Variants in NRG3 observed in about 807,000 individuals in gnomAD.
NRG3 encodes the protein neuregulin 3, also known as pro-neuregulin-3, membrane-bound isoform.
Under a neutral mutation model 66.9 loss-of-function variants are expected in NRG3, and 31 were observed. The ratio of observed to expected loss-of-function variants is 0.46; its 90% CI spans 0.35 to 0.63. The LOEUF is 0.63. NRG3 is among the 20% of genes least tolerant of loss of function. The pLI, the probability that NRG3 is intolerant of heterozygous loss-of-function variation, is 0.00. For synonymous variants in NRG3, 393 were observed against 359.4 expected (o/e 1.09, Z -1.06); for missense variants, 910 against 878.9 (o/e 1.04, Z -0.45).
rs1437666528 is a variant in NRG3, at chr10:81,875,696, G to C, written c.356G>C (p.Ser119Thr). 6.2e-7 allele frequency: 1 copy of C among 1,613,592 alleles called. No individual in the cohort carries two copies. Among genetic ancestry groups the C allele is most frequent in the Non-Finnish European group, 8.5e-7 (1 of 1,179,954 alleles). ...GACCCCTTCTTCCTCTCCAAGCCCAGCTCTTTCCCCAAGGCCATGGAGACC... is the reference window on the plus strand; with the variant it reads ...GACCCCTTCTTCCTCTCCAAGCCCACCTCTTTCCCCAAGGCCATGGAGACC... ...GQDPFFLSKP[S>T]SFPKAMETTT... is the part of the protein sequence containing the mutation. The change falls in exon 1 of 9, where the codon AGC becomes ACC. Residue 119 changes from serine to threonine, a missense_variant. Transcript: ENST00000372141. The surrounding 1 kb of genome is among the most constrained non-coding windows in gnomAD (Gnocchi z 5.3).
At chr10:82,541,869 T>C (rs2043565237) in intron 2 of NRG3, among the ~76,000 whole-genome samples, 2 of 152,176 alleles carry the variant, frequency 1.3e-5, no homozygotes, top group African/African-American at 4.8e-5. Flanking sequence ...ACCTGGTTCT[T>C]GGTTGCTAAA....
intron 2 of NRG3, among the ~76,000 whole-genome samples, chr10:82,679,251 T>C (rs1225193502): frequency 6.6e-6 from 1 of 152,240 alleles, no homozygotes; most frequent in Non-Finnish European, 1.5e-5. Flanking sequence ...AGCCAAGGTC[T>C]ATTATAAAAC....
chr10:82,099,907 C>A (rs1393339309), intron 1 of NRG3, among the ~76,000 whole-genome samples: 1 of 151,604 alleles, frequency 6.6e-6, no homozygotes, highest in African/African-American at 2.4e-5. Flanking sequence ...TTGCTTGAGC[C>A]CAGGAGTTCA....
chr10:82,668,650 C>T (rs2052993609), intron 2 of NRG3, among the ~76,000 whole-genome samples: 1 of 152,168 alleles, frequency 6.6e-6, no homozygotes, highest in Admixed American at 6.5e-5. Context: ...GACCAAGTTT[C>T]CATGCTCTGT....
intron 1 of NRG3, among the ~76,000 whole-genome samples, chr10:82,002,009 G>A (rs1313585704): frequency 6.6e-6 from 1 of 152,094 alleles, no homozygotes; most frequent in Non-Finnish European, 1.5e-5. Flanking sequence ...CATACATATA[G>A]TATGATGCTT....
intron 2 of NRG3, among the ~76,000 whole-genome samples, chr10:82,589,227 G>A (rs1170679169): frequency 6.6e-6 from 1 of 152,148 alleles, no homozygotes; most frequent in Non-Finnish European, 1.5e-5. Flanking sequence ...AAATGGTAAC[G>A]AAAGCACAAC....
chr10:82,271,837 G>A (rs1181145234), intron 1 of NRG3, among the ~76,000 whole-genome samples: 2 of 151,840 alleles, frequency 1.3e-5, no homozygotes. Context: ...AGATATTTTG[G>A]CTTATCTTGT....
chr10:82,361,269 T>C (rs12249833), intron 2 of NRG3, among the ~76,000 whole-genome samples: 1 of 152,138 alleles, frequency 6.6e-6, no homozygotes, highest in Admixed American at 6.5e-5. Flanking sequence ...CATATTTCAG[T>C]ACAGACAGCC....
intron 2 of NRG3, among the ~76,000 whole-genome samples, chr10:82,415,841 A>G (rs1473208543): frequency 6.6e-6 from 1 of 152,148 alleles, no homozygotes; most frequent in East Asian, 1.9e-4. Context: ...GGCAAACTAA[A>G]GTATATGTGA....
intron 3 of NRG3, among the ~76,000 whole-genome samples, chr10:82,774,504 AT>A (rs1163044379): frequency 2.6e-5 from 4 of 151,506 alleles, no homozygotes; most frequent in African/African-American, 9.7e-5. Context: ...GGTAGGCTGT[AT>A]TTTTTTTCTA....
At chr10:82,869,676 C>T (rs908293120) in intron 4 of NRG3, among the ~76,000 whole-genome samples, 2 of 151,236 alleles carry the variant, frequency 1.3e-5, no homozygotes, top group East Asian at 1.9e-4. Context: ...GGTGCCATCT[C>T]GGCTCACTGC....
chr10:82,837,255 C>T (rs2062829992), intron 3 of NRG3, among the ~76,000 whole-genome samples: 1 of 152,040 alleles, frequency 6.6e-6, no homozygotes, highest in Admixed American at 6.6e-5. Flanking sequence ...TGGGTTTATA[C>T]CCAGTAATGG....
chr10:82,167,576 AT>A (rs1048231879), intron 1 of NRG3, among the ~76,000 whole-genome samples: 24 of 152,188 alleles, frequency 1.6e-4, no homozygotes, highest in Non-Finnish European at 3.2e-4. Context: ...TACTTATTAT[AT>A]TTTTTATATG....
rs118002421 is a variant in NRG3 at position 82,050,547 on chromosome 10, T to G, written c.823+174384T>G. Among the ~76,000 whole-genome samples the G allele has an allele frequency of 7.9e-5, 12 of 151,994 alleles. 1 individual carries two copies. In the East Asian group the frequency reaches 2.3e-3, roughly 30 times the overall value. Reference sequence around the variant, plus strand: ...TGCAGACTAACGGCACAAAGAAAGATAGAAGGTCTTGCTACCTGCTCTCAG... The same window carrying G: ...TGCAGACTAACGGCACAAAGAAAGAGAGAAGGTCTTGCTACCTGCTCTCAG... On this transcript the variant is annotated intron_variant, in intron 1 of 8. Coordinates refer to ENST00000372141, the MANE Select transcript of NRG3 (RefSeq NM_001010848.4).
chr10:82,981,845 T>C (rs750679437), intron 8 of NRG3, among the ~76,000 whole-genome samples: 1 of 152,120 alleles, frequency 6.6e-6, no homozygotes, highest in South Asian at 2.1e-4. Context: ...CAAAAAGAGA[T>C]GGAATCACAA....
intron 3 of NRG3, among the ~76,000 whole-genome samples, chr10:82,785,981 A>G (rs949070796): frequency 6.6e-6 from 1 of 151,870 alleles, no homozygotes; most frequent in African/African-American, 2.4e-5. Context: ...ATGGCGATCT[A>G]CTCCTAAATT....
intron 1 of NRG3, among the ~76,000 whole-genome samples, chr10:82,049,744 C>G (rs2063499071): frequency 6.6e-6 from 1 of 151,914 alleles, no homozygotes; most frequent in African/African-American, 2.4e-5. Context: ...GGTCAAATTT[C>G]TGTCTCATAT....
intron 1 of NRG3, among the ~76,000 whole-genome samples, chr10:82,151,348 G>A (rs899436966): frequency 6.6e-6 from 1 of 152,216 alleles, no homozygotes; most frequent in Non-Finnish European, 1.5e-5. Flanking sequence ...TAATTTTTCA[G>A]TACATGAAAG....
intron 2 of NRG3, among the ~76,000 whole-genome samples, chr10:82,360,173 G>A (rs922100411): frequency 5.9e-5 from 9 of 152,150 alleles, no homozygotes; most frequent in African/African-American, 2.2e-4. Flanking sequence ...CTGGGTTGGG[G>A]AAGAAGGGGA....
Sources: gnomAD v4.1 joint callset for allele counts (sites outside exome capture counted in the v4.1 genomes callset) on GRCh38, gnomAD v4.1.1 for gene constraint, Gnocchi (gnomAD v3.1) non-coding constraint, MANE v1.5 for transcripts, NCBI Gene and HGNC (gene_info 2026-07-23, HGNC 2026-07-21) for gene names.